Variants in ATXN2 observed in about 807,000 individuals in gnomAD.
The protein encoded by ATXN2 is ataxin 2, also known as ataxin-2.
In ATXN2, 37 loss-of-function variants were observed where a neutral mutation model predicts 138.6. That is an observed-to-expected ratio of 0.27 (90% CI 0.21 to 0.35). ATXN2 has a LOEUF of 0.35. ATXN2 is among the 10% of genes least tolerant of loss of function. ATXN2 has a pLI of 1.00. For missense variants in ATXN2, 1,216 were observed against 1,480.3 expected, an observed-to-expected ratio of 0.82 and a Z score of 2.93; for synonymous variants, 549 against 543.7, an observed-to-expected ratio of 1.01 and a Z score of -0.13.
At chr12:111,488,824 T>C (rs770999982) in intron 14 of ATXN2, 44 bp from the exon 15 acceptor site, 15 of 1,467,038 alleles carry the variant, frequency 1.0e-5, no homozygotes, top group Middle Eastern at 2.1e-4. Flanking sequence ...TAAATAACTT[T>C]AGTAATACAT....
intron 1 of ATXN2, among the ~76,000 whole-genome samples, chr12:111,594,616 T>A (rs373668466): frequency 6.6e-6 from 1 of 152,178 alleles, no homozygotes; most frequent in African/African-American, 2.4e-5. Context: ...AATTCTAATG[T>A]CATATTATTT....
At chr12:111,593,767 T>C (rs920245087) in intron 1 of ATXN2, among the ~76,000 whole-genome samples, 3 of 152,250 alleles carry the variant, frequency 2.0e-5, no homozygotes, top group South Asian at 2.1e-4. Context: ...TGGTTAGTAA[T>C]AGCCATCTAC....
chr12:111,470,375 T>C, intron 19 of ATXN2, 135 bp from the exon 20 acceptor site: 1 of 1,259,056 alleles, frequency 7.9e-7, no homozygotes, highest in Non-Finnish European at 1.1e-6. Flanking sequence ...TTCTTGGCTG[T>C]TTCCTCTGAA....
chr12:111,578,913 A>G (rs755814504), intron 1 of ATXN2, among the ~76,000 whole-genome samples: 3 of 151,948 alleles, frequency 2.0e-5, no homozygotes, highest in Non-Finnish European at 4.4e-5. Context: ...GTGGTGGTAC[A>G]TGCCTGTGGT....
intron 1 of ATXN2, among the ~76,000 whole-genome samples, chr12:111,560,951 G>GC (rs1882648437): frequency 6.6e-6 from 1 of 152,154 alleles, no homozygotes. Context: ...TTGGCCAGGC[G>GC]CCCTGACTCA....
At chr12:111,523,012 G>A (rs955894069) in intron 6 of ATXN2, among the ~76,000 whole-genome samples, 14 of 152,004 alleles carry the variant, frequency 9.2e-5, no homozygotes, top group African/African-American at 3.1e-4. Flanking sequence ...CAGGTGCGGT[G>A]GCTCATGCCA....
At chr12:111,495,962 C>T (rs1222108566) in intron 14 of ATXN2, among the ~76,000 whole-genome samples, 1 of 145,814 alleles carries the variant, frequency 6.9e-6, no homozygotes, top group Non-Finnish European at 1.5e-5. Flanking sequence ...TGGGACACAT[C>T]GCAAAGCCCC....
At chr12:111,454,921 G>A (rs1014227569) in intron 23 of ATXN2, 11 of 647,060 alleles carry the variant, frequency 1.7e-5, no homozygotes, top group Middle Eastern at 7.4e-4. Context: ...TGGCCCACAC[G>A]GACCAAACCG....
chr12:111,595,676 C>T (rs1306461117), intron 1 of ATXN2, among the ~76,000 whole-genome samples: 2 of 149,850 alleles, frequency 1.3e-5, no homozygotes, highest in African/African-American at 2.5e-5. Flanking sequence ...TACAATACAA[C>T]GTTCAGGGGA....
chr12:111,586,383 G>GTCTGGTTT (rs1884336368), intron 1 of ATXN2, among the ~76,000 whole-genome samples: 1 of 135,828 alleles, frequency 7.4e-6, no homozygotes, highest in Non-Finnish European at 1.6e-5. Flanking sequence ...CCAGCCCCAA[G>GTCTGGTTT]TCTGGTTTTT....
chr12:111,568,450 A>C (rs1883135251), intron 1 of ATXN2, among the ~76,000 whole-genome samples: 2 of 152,332 alleles, frequency 1.3e-5, no homozygotes, highest in South Asian at 4.1e-4. Flanking sequence ...TATTTCAACA[A>C]GACCTGGGTA....
chr12:111,462,032 A>G (rs1378313005), intron 21 of ATXN2, among the ~76,000 whole-genome samples: 4 of 152,166 alleles, frequency 2.6e-5, no homozygotes, highest in African/African-American at 9.6e-5. Context: ...TGACCCACAC[A>G]TATTATTTCA....
intron 5 of ATXN2, among the ~76,000 whole-genome samples, chr12:111,526,403 C>CTT (rs778084602): frequency 7.3e-6 from 1 of 137,488 alleles, no homozygotes; most frequent in East Asian, 2.3e-4. Flanking sequence ...AAAAATATCT[C>CTT]TTTTTTTTTT....
At position 111,520,095 on chromosome 12, in the gene ATXN2, A is replaced by C. The variant is rs1592856566; in HGVS notation, c.789-19T>G. The C allele has an allele frequency of 6.2e-7, 1 of 1,610,718 alleles. No homozygotes were observed. The highest frequency in any genetic ancestry group is 8.5e-7 in the Non-Finnish European group (1 of 1,178,766). On this transcript the variant is annotated intron_variant, in intron 7 of 24. Coordinates refer to ENST00000673436, the MANE Select transcript of ATXN2 (RefSeq NM_001372574.1). ...GGGCACTCTGAAACATGAGGAAAAGAAAAGCAAAATGAGTCCTTTAAAGCC... is the reference window on the plus strand; with the variant it reads ...GGGCACTCTGAAACATGAGGAAAAGCAAAGCAAAATGAGTCCTTTAAAGCC...
chr12:111,547,758 C>T (rs1184865823), intron 5 of ATXN2, among the ~76,000 whole-genome samples: 6 of 124,332 alleles, frequency 4.8e-5, no homozygotes, highest in Non-Finnish European at 8.6e-5. Flanking sequence ...AAGGTTTCCC[C>T]AAAAATAAAG....
At chr12:111,590,047 TA>T (rs139062368) in intron 1 of ATXN2, among the ~76,000 whole-genome samples, 37 of 141,740 alleles carry the variant, frequency 2.6e-4, no homozygotes, top group Non-Finnish European at 4.7e-4. Flanking sequence ...CCATCTCTAC[TA>T]AAAAAAAATA....
At chr12:111,456,358 G>A in intron 22 of ATXN2, 102 bp from the exon 23 acceptor site, 1 of 1,257,930 alleles carries the variant, frequency 7.9e-7, no homozygotes, top group Non-Finnish European at 1.1e-6. Context: ...CCTATGATGA[G>A]GGTCACTGGA....
At chr12:111,577,989 A>G (rs1883773092) in intron 1 of ATXN2, among the ~76,000 whole-genome samples, 1 of 147,988 alleles carries the variant, frequency 6.8e-6, no homozygotes. Flanking sequence ...TGAGGTCAGG[A>G]GTTCGAGACC....
intron 14 of ATXN2, among the ~76,000 whole-genome samples, chr12:111,500,937 T>C (rs912907401): frequency 4.6e-5 from 7 of 152,182 alleles, no homozygotes; most frequent in Non-Finnish European, 7.3e-5. Flanking sequence ...AGATCTAGTA[T>C]TTGACAACAA....
Sources: gnomAD v4.1 joint callset for allele counts (sites outside exome capture counted in the v4.1 genomes callset) on GRCh38, gnomAD v4.1.1 for gene constraint, MANE v1.5 for transcripts, NCBI Gene and HGNC (gene_info 2026-07-23, HGNC 2026-07-21) for gene names.